TMEM87B: variants seen among roughly 807,000 people sequenced by gnomAD.
The protein encoded by TMEM87B is transmembrane protein 87B.
A neutral mutation model predicts 80.3 loss-of-function variants in TMEM87B; 83 were observed. That is an observed-to-expected ratio of 1.03 (90% CI 0.87 to 1.24). The LOEUF is 1.24. TMEM87B is among the 50% of genes most tolerant of loss of function. TMEM87B has a pLI of 0.00. For missense variants in TMEM87B, 625 were observed against 674.4 expected, an observed-to-expected ratio of 0.93 and a Z score of 0.81; for synonymous variants, 219 against 230.5, an observed-to-expected ratio of 0.95 and a Z score of 0.45.
intron 4 of TMEM87B, 38 bp downstream of exon 4, chr2:112,067,105 TC>T: frequency 1.2e-6 from 2 of 1,601,870 alleles, no homozygotes; most frequent in African/African-American, 1.3e-5. Context: ...TTTATTTTAT[TC>T]CCAGTGAATA....
intron 1 of TMEM87B, among the ~76,000 whole-genome samples, chr2:112,056,217 C>A (rs760612065): frequency 2.4e-4 from 37 of 151,710 alleles, no homozygotes; most frequent in Non-Finnish European, 4.7e-4. Context: ...AGCGGGTCTG[C>A]CGCTTCCTTA....
At chr2:112,093,358 G>A (rs1235838833) in intron 11 of TMEM87B, among the ~76,000 whole-genome samples, 1 of 152,178 alleles carries the variant, frequency 6.6e-6, no homozygotes, top group Non-Finnish European at 1.5e-5. Flanking sequence ...ACCTTGTTTG[G>A]GTACTAGGAT....
chr2:112,055,353 G>C lies in TMEM87B; in HGVS notation c.-239G>C. On this transcript the variant is annotated 5_prime_UTR_variant, in exon 1 of 19. Transcript: ENST00000283206. ...TCCTGGCTCCTATCTCTGCCTTCCA[G>C]GCATCTCCCAGCTGCACGCTCGGGC... 3.9e-6 allele frequency: 2 copies of C among 511,554 alleles called. No homozygotes were observed. Among genetic ancestry groups the C allele is most frequent in the Non-Finnish European group, 6.8e-6 (2 of 294,880 alleles). 31.7% of individuals were successfully genotyped at this position (511,554 alleles called of 1,614,324 possible).
rs1246440641 is a variant in TMEM87B at position 112,074,808 on chromosome 2, T to C, written c.451-104T>C. On this transcript the variant is annotated intron_variant, in intron 4 of 18. Coordinates refer to ENST00000283206, the MANE Select transcript of TMEM87B (RefSeq NM_032824.3). ...GATTTGTTCTTTGATGTTTAGCTTTTTAATTTTTCATTTTTCTTCTAACTT... is the reference window on the plus strand; with the variant it reads ...GATTTGTTCTTTGATGTTTAGCTTTCTAATTTTTCATTTTTCTTCTAACTT... 6 of 1,319,374 alleles carry C rather than the reference T, an allele frequency of 4.5e-6. No individual in the cohort carries two copies. The African/African-American group carries it at 6.1e-5, about 13-fold the overall frequency. 81.7% of individuals were successfully genotyped at this position (1,319,374 alleles called of 1,614,324 possible).
intron 10 of TMEM87B, among the ~76,000 whole-genome samples, chr2:112,089,950 G>C (rs1679253265): frequency 6.6e-6 from 1 of 152,118 alleles, no homozygotes; most frequent in African/African-American, 2.4e-5. Flanking sequence ...TATCATCCCA[G>C]GTATCAGTCC....
chr2:112,083,303 A>G (rs1360346761), intron 8 of TMEM87B, among the ~76,000 whole-genome samples: 1 of 152,242 alleles, frequency 6.6e-6, no homozygotes, highest in Non-Finnish European at 1.5e-5. Context: ...GTGCTGCCAT[A>G]TCTAAAGAGT....
intron 4 of TMEM87B, among the ~76,000 whole-genome samples, chr2:112,072,586 AC>A (rs1396574072): frequency 6.6e-6 from 1 of 152,112 alleles, no homozygotes; most frequent in Non-Finnish European, 1.5e-5. Context: ...TCTGATGGTT[AC>A]CTGTATTTCT....
chr2:112,112,979 A>G lies in TMEM87B; in HGVS notation c.1608+50A>G, dbSNP rs1402021802. 4.6e-6 allele frequency: 7 copies of G among 1,536,898 alleles called. No individual in the cohort carries two copies. In the African/African-American group the frequency reaches 6.9e-5, roughly 15 times the overall value. ...CTTGGAGCTGATATTTTCACAAAGT[A>G]GAGATGTATTTCAGAAAGAAGTTCT... On this transcript the variant is annotated intron_variant, in intron 18 of 18. Transcript: ENST00000283206.
Position 112,060,023 on chromosome 2 carries a change from A to T in TMEM87B, c.212A>T (p.Asp71Val), listed in dbSNP as rs758245229. The change falls in exon 2 of 19, where the codon GAT (aspartate) becomes GTT (valine). Residue 71 changes from aspartate to valine, a missense_variant. Asp to Val is a radical substitution (Grantham distance 152). Coordinates refer to ENST00000283206, the MANE Select transcript of TMEM87B (RefSeq NM_032824.3). ...IFRKTMFNSTDIKLSVKSFHC... is the reference protein window; with the variant it reads ...IFRKTMFNSTVIKLSVKSFHC... ...AGGAAAACTATGTTTAACTCTACAGATATCAAGTTATCTGGTAAGTATAAT... is the reference window on the plus strand; with the variant it reads ...AGGAAAACTATGTTTAACTCTACAGTTATCAAGTTATCTGGTAAGTATAAT... 1 of 1,589,012 alleles carries T rather than the reference A, an allele frequency of 6.3e-7. No homozygotes were observed. The highest frequency in any genetic ancestry group is 8.6e-7 in the Non-Finnish European group (1 of 1,163,630).
Position 112,084,968 on chromosome 2 carries a change from C to T in TMEM87B, c.839-1037C>T, listed in dbSNP as rs192076026. Among the ~76,000 whole-genome samples the T allele has an allele frequency of 1.6e-3, 237 of 152,324 alleles. 2 individuals are homozygous for T. Among genetic ancestry groups the T allele is most frequent in the Non-Finnish European group, 2.7e-3 (182 of 68,032 alleles). On this transcript the variant is annotated intron_variant, in intron 8 of 18. Coordinates refer to ENST00000283206, the MANE Select transcript of TMEM87B (RefSeq NM_032824.3). ...ATATGGTCTCTGTTGTAACTATTCA[C>T]CCTTGCCATCAAAGCATAAAAGCAG... is the stretch of plus-strand genomic sequence containing the variant.
chr2:112,116,015 G>C (rs1426221300), intron 18 of TMEM87B, 69 bp from the exon 19 acceptor site: 2 of 1,296,912 alleles, frequency 1.5e-6, no homozygotes, highest in South Asian at 2.5e-5. Flanking sequence ...TGAAAGATTA[G>C]AAAATTTTTG....
chr2:112,116,021 T>G lies in TMEM87B; in HGVS notation c.1609-63T>G, dbSNP rs1680013673. 2.2e-6 allele frequency: 3 copies of G among 1,379,796 alleles called. No individual in the cohort carries two copies. The East Asian group carries it at 6.9e-5, about 32-fold the overall frequency. 85.5% of individuals were successfully genotyped at this position (1,379,796 alleles called of 1,614,324 possible). A position where few individuals can be genotyped will look rare whatever the true frequency, so the allele number is the denominator to read the frequency against. On this transcript the variant is annotated intron_variant, in intron 18 of 18. Transcript: ENST00000283206. ...TGTGGCTGTTGAAAGATTAGAAAAT[T>G]TTTGTTAGGGTTCTGGAAGTAGTAT...
At chr2:112,086,751 T>C (rs1163805775) in intron 9 of TMEM87B, among the ~76,000 whole-genome samples, 1 of 152,198 alleles carries the variant, frequency 6.6e-6, no homozygotes, top group Non-Finnish European at 1.5e-5. Context: ...CTGTGGGCAC[T>C]GGCTTCACAG....
At chr2:112,088,174 A>T (rs1409829399) in intron 9 of TMEM87B, among the ~76,000 whole-genome samples, 3 of 152,120 alleles carry the variant, frequency 2.0e-5, no homozygotes, top group Non-Finnish European at 4.4e-5. Flanking sequence ...TTTATTGGAG[A>T]TTCTTTCTCA....
At chr2:112,059,563 G>T (rs1260153117) in intron 1 of TMEM87B, among the ~76,000 whole-genome samples, 2 of 152,134 alleles carry the variant, frequency 1.3e-5, no homozygotes, top group Non-Finnish European at 2.9e-5. Context: ...TAAGAATTTC[G>T]GTCTGTTGTA....
intron 4 of TMEM87B, among the ~76,000 whole-genome samples, chr2:112,072,862 G>A (rs1368235124): frequency 8.4e-6 from 1 of 119,356 alleles, no homozygotes; most frequent in Non-Finnish European, 1.8e-5. Flanking sequence ...ATGTTAGGTT[G>A]TTAATTAATT....
chr2:112,069,220 A>C (rs987214607), intron 4 of TMEM87B, among the ~76,000 whole-genome samples: 71 of 151,568 alleles, frequency 4.7e-4, no homozygotes, highest in Non-Finnish European at 8.5e-4. Context: ...AAAAAAAAAA[A>C]ACTCATGTCA....
In TMEM87B at chr2:112,118,903, G is replaced by A. The variant is rs957689366; in HGVS notation, c.*2760G>A. On this transcript the variant is annotated 3_prime_UTR_variant, in exon 19 of 19. Coordinates refer to ENST00000283206, the MANE Select transcript of TMEM87B (RefSeq NM_032824.3). ...TGCTAGATTTATAATCACTAGTTCT[G>A]GTACTTGTGTCTTTGTATGATCAAA... 1.3e-4 allele frequency: 20 copies of A among 152,066 alleles called. No individual in the cohort carries two copies. Among genetic ancestry groups the A allele is most frequent in the African/African-American group, 4.6e-4 (19 of 41,492 alleles). 9.4% of individuals were successfully genotyped at this position (152,066 alleles called of 1,614,324 possible).
chr2:112,106,043 G>A lies in TMEM87B; in HGVS notation c.1492G>A (p.Gly498Arg). The A allele has an allele frequency of 1.3e-6, 2 of 1,572,068 alleles. No homozygotes were observed. Among genetic ancestry groups the A allele is most frequent in the Non-Finnish European group, 1.7e-6 (2 of 1,163,782 alleles). Residue 498 changes from glycine (G) to arginine (R), a missense_variant, in exon 16 of 19, where the codon GGA becomes AGA. Physicochemically the swap from Gly to Arg is moderately radical, Grantham distance 125. Coordinates refer to ENST00000283206, the MANE Select transcript of TMEM87B (RefSeq NM_032824.3). The part of the protein sequence containing the change: ...KLRASKSVSN[G>R]TAKPATSENF... ...AAGAGCCTCAAAATCAGTTTCCAAT[G>A]GAACAGCTAAGCCTGCCACTTCTGA...
Sources: allele counts gnomAD v4.1 joint callset (sites outside exome capture counted in the v4.1 genomes callset), GRCh38; gene constraint gnomAD v4.1.1; transcripts MANE v1.5; gene names NCBI Gene and HGNC (gene_info 2026-07-23, HGNC 2026-07-21).